Variants in DSCAM observed in about 807,000 individuals in gnomAD.
The protein encoded by DSCAM is DS cell adhesion molecule.
A neutral mutation model predicts 217.7 loss-of-function variants in DSCAM; 47 were observed. That is an observed-to-expected ratio of 0.22 (90% confidence interval 0.17 to 0.28). The LOEUF (loss-of-function observed/expected upper bound fraction) is 0.28. DSCAM is among the 10% of genes least tolerant of loss of function. DSCAM has a pLI of 1.00. For missense variants in DSCAM, 2,080 were observed against 2,618.3 expected (o/e 0.79, Z 4.49); for synonymous variants, 1,056 against 1,015.3 (o/e 1.04, Z -0.76).
At chr21:40,148,370 G>T (rs930518284) in intron 16 of DSCAM, among the ~76,000 whole-genome samples, 1 of 152,020 alleles carries the variant, frequency 6.6e-6, no homozygotes, top group Non-Finnish European at 1.5e-5. Context: ...GGAGAGGATG[G>T]GAGCAGCAGC....
chr21:40,270,490 T>C (rs149006802), intron 11 of DSCAM, among the ~76,000 whole-genome samples: 95 of 152,274 alleles, frequency 6.2e-4, no homozygotes, highest in Non-Finnish European at 1.1e-3. Context: ...ATAAGCTGGG[T>C]GTTCACAAAC....
chr21:40,392,301 A>G (rs1489438041), intron 3 of DSCAM, among the ~76,000 whole-genome samples: 3 of 152,214 alleles, frequency 2.0e-5, no homozygotes, highest in Admixed American at 6.5e-5. Context: ...TGGGTTAAAG[A>G]TAAACAGTGT....
At chr21:40,157,302 T>C (rs942705856) in intron 16 of DSCAM, among the ~76,000 whole-genome samples, 18 of 152,090 alleles carry the variant, frequency 1.2e-4, no homozygotes, top group Non-Finnish European at 2.2e-4. Flanking sequence ...TCTGGCCCAT[T>C]AGAGAAACAG....
intron 3 of DSCAM, among the ~76,000 whole-genome samples, chr21:40,583,710 TTAATA>T (rs1213718697): frequency 6.6e-6 from 1 of 152,164 alleles, no homozygotes; most frequent in East Asian, 1.9e-4. Flanking sequence ...AGAGTGAACC[TTAATA>T]TACACTATGT....
intron 1 of DSCAM, among the ~76,000 whole-genome samples, chr21:40,781,554 C>A (rs1220523797): frequency 1.3e-5 from 2 of 152,010 alleles, no homozygotes; most frequent in Non-Finnish European, 2.9e-5. Context: ...AGTATACAAC[C>A]TTTTTTTATA....
At chr21:40,418,225 G>C (rs2075390491) in intron 3 of DSCAM, among the ~76,000 whole-genome samples, 1 of 152,156 alleles carries the variant, frequency 6.6e-6, no homozygotes, top group Non-Finnish European at 1.5e-5. Flanking sequence ...TCAATGCTCA[G>C]ATTCTGGAAA....
At chr21:40,466,434 G>A (rs2075846041) in intron 3 of DSCAM, among the ~76,000 whole-genome samples, 1 of 152,184 alleles carries the variant, frequency 6.6e-6, no homozygotes, top group African/African-American at 2.4e-5. Context: ...AAGCTTGAGA[G>A]CCTGAGTCCC....
chr21:40,735,632 C>T (rs1569009438), intron 1 of DSCAM, among the ~76,000 whole-genome samples: 2 of 152,132 alleles, frequency 1.3e-5, no homozygotes, highest in Non-Finnish European at 2.9e-5. Flanking sequence ...ACCACCAGCA[C>T]CTTATAGGGT....
chr21:40,014,961 G>A (rs758245884), intron 32 of DSCAM, among the ~76,000 whole-genome samples: 2 of 152,134 alleles, frequency 1.3e-5, no homozygotes, highest in Non-Finnish European at 2.9e-5. Flanking sequence ...AGCTGCCAGG[G>A]CACTGTGGTC....
At chr21:40,676,551 T>G (rs2090341614) in intron 3 of DSCAM, among the ~76,000 whole-genome samples, 1 of 152,144 alleles carries the variant, frequency 6.6e-6, no homozygotes, top group Non-Finnish European at 1.5e-5. Flanking sequence ...TTGCTTGTTT[T>G]TTTGTTTTGT....
chr21:40,030,964 A>C (rs545033299), intron 32 of DSCAM, among the ~76,000 whole-genome samples: 11 of 152,160 alleles, frequency 7.2e-5, no homozygotes, highest in Admixed American at 1.3e-4. Context: ...TGTGTTCAAG[A>C]GGCCATCCCC....
At chr21:40,636,822 T>G (rs992580551) in intron 3 of DSCAM, among the ~76,000 whole-genome samples, 1 of 147,956 alleles carries the variant, frequency 6.8e-6, no homozygotes, top group East Asian at 2.0e-4. Context: ...GAGGATATGC[T>G]CCCTCAAAAT....
chr21:40,350,486 C>T (rs1014004831), intron 5 of DSCAM, among the ~76,000 whole-genome samples: 18 of 151,810 alleles, frequency 1.2e-4, no homozygotes, highest in Non-Finnish European at 2.5e-4. Context: ...GAAAAAAAAG[C>T]TTTTTTTTAC....
intron 22 of DSCAM, among the ~76,000 whole-genome samples, chr21:40,086,562 T>A (rs2089534409): frequency 1.3e-5 from 2 of 152,160 alleles, no homozygotes; most frequent in South Asian, 4.1e-4. Flanking sequence ...CATAAATGAA[T>A]TTTCGACCCT....
intron 27 of DSCAM, among the ~76,000 whole-genome samples, chr21:40,069,058 C>T (rs1353024333): frequency 1.3e-5 from 2 of 149,264 alleles, no homozygotes; most frequent in Non-Finnish European, 3.0e-5. Context: ...GCACTCCAGC[C>T]TGGGCAAAAA....
intron 3 of DSCAM, among the ~76,000 whole-genome samples, chr21:40,541,271 T>G (rs1601728513): frequency 6.6e-6 from 1 of 152,214 alleles, no homozygotes; most frequent in Non-Finnish European, 1.5e-5. Context: ...ATTTCAATAC[T>G]TATTTTATGC....
intron 16 of DSCAM, among the ~76,000 whole-genome samples, chr21:40,148,405 G>A (rs1350444461): frequency 6.6e-6 from 1 of 152,012 alleles, no homozygotes; most frequent in African/African-American, 2.4e-5. Context: ...TTTCTCTGTG[G>A]GGTGATGCAA....
chr21:40,432,356 G>A (rs1372372527), intron 3 of DSCAM, among the ~76,000 whole-genome samples: 1 of 151,994 alleles, frequency 6.6e-6, no homozygotes, highest in Non-Finnish European at 1.5e-5. Context: ...AGGCTGCGGT[G>A]TTTCTCAGCT....
chr21:40,158,018 A>C (rs1236681246), intron 16 of DSCAM, among the ~76,000 whole-genome samples: 1 of 152,158 alleles, frequency 6.6e-6, no homozygotes, highest in African/African-American at 2.4e-5. Flanking sequence ...GGGTAATGAA[A>C]AGCTTTAGCC....
Sources: gnomAD v4.1 joint callset for allele counts (sites outside exome capture counted in the v4.1 genomes callset) on GRCh38, gnomAD v4.1.1 for gene constraint, MANE v1.5 for transcripts, NCBI Gene and HGNC (gene_info 2026-07-23, HGNC 2026-07-21) for gene names.